CAMKK2: variants seen among roughly 807,000 people sequenced by gnomAD.
CAMKK2 encodes calcium/calmodulin dependent protein kinase kinase 2, also known as calcium/calmodulin-dependent protein kinase kinase 2.
CAMKK2 carries 30 observed loss-of-function variants against 67.2 expected under a neutral mutation model. The ratio of observed to expected loss-of-function variants is 0.45; its 90% confidence interval spans 0.33 to 0.61. The LOEUF (loss-of-function observed/expected upper bound fraction) is 0.61. Among genes scored for constraint, CAMKK2 ranks in the 20% least tolerant of loss-of-function variants. The pLI is 0.02. For missense variants in CAMKK2, 643 were observed against 802.0 expected (o/e 0.80, Z 2.39); for synonymous variants, 322 against 326.2 (o/e 0.99, Z 0.14).
intron 1 of CAMKK2, among the ~76,000 whole-genome samples, chr12:121,280,521 C>G (rs1343292379): frequency 6.6e-6 from 1 of 152,224 alleles, no homozygotes; most frequent in Non-Finnish European, 1.5e-5. Flanking sequence ...ACCTTAAACT[C>G]TGATCGCCGG....
intron 1 of CAMKK2, among the ~76,000 whole-genome samples, chr12:121,279,557 G>A (rs530724521): frequency 8.4e-4 from 128 of 152,352 alleles, no homozygotes; most frequent in South Asian, 8.3e-4. Flanking sequence ...ATAACCGCCT[G>A]GCCATGTAAC....
intron 1 of CAMKK2, among the ~76,000 whole-genome samples, chr12:121,289,267 C>A (rs1287984490): frequency 2.0e-5 from 3 of 152,148 alleles, no homozygotes; most frequent in East Asian, 1.9e-4. Context: ...AAAAAAACTT[C>A]AGTGGCAATA....
chr12:121,280,904 G>A (rs1897659184), intron 1 of CAMKK2, among the ~76,000 whole-genome samples: 2 of 152,132 alleles, frequency 1.3e-5, no homozygotes, highest in African/African-American at 4.8e-5. Context: ...GGGTCCTGTG[G>A]TCCTGTGATC....
chr12:121,282,255 G>T (rs1055312702), intron 1 of CAMKK2, among the ~76,000 whole-genome samples: 1 of 152,116 alleles, frequency 6.6e-6, no homozygotes, highest in African/African-American at 2.4e-5. Context: ...GAACAAAGTG[G>T]GGAAGGAGGG....
At chr12:121,250,416 G>T (rs923716112) in intron 11 of CAMKK2, among the ~76,000 whole-genome samples, 24 of 152,222 alleles carry the variant, frequency 1.6e-4, no homozygotes, top group African/African-American at 5.8e-4. Context: ...GGCAGCAGCA[G>T]TGATTTTCAA....
intron 5 of CAMKK2, among the ~76,000 whole-genome samples, chr12:121,268,099 T>TATATAC (rs755449965): frequency 2.1e-5 from 3 of 143,530 alleles, no homozygotes; most frequent in Middle Eastern, 3.8e-3. Context: ...TATATATATA[T>TATATAC]ACTCTATTCA....
At chr12:121,258,973 GC>G (rs1369621400) in intron 7 of CAMKK2, among the ~76,000 whole-genome samples, 3 of 151,650 alleles carry the variant, frequency 2.0e-5, no homozygotes, top group Non-Finnish European at 4.4e-5. Context: ...CTCCCGAGTA[GC>G]CAAGATTATA....
chr12:121,281,412 T>C (rs987562527), intron 1 of CAMKK2, among the ~76,000 whole-genome samples: 5 of 152,224 alleles, frequency 3.3e-5, no homozygotes, highest in African/African-American at 9.6e-5. Context: ...AGGCTACGGA[T>C]GATGTCCTGC....
chr12:121,264,482 C>T (rs1894108363), intron 5 of CAMKK2, among the ~76,000 whole-genome samples: 1 of 151,852 alleles, frequency 6.6e-6, no homozygotes, highest in Admixed American at 6.6e-5. Context: ...ATAAAAATCA[C>T]AAAAAATTAG....
intron 14 of CAMKK2, among the ~76,000 whole-genome samples, chr12:121,246,052 C>A (rs1889379520): frequency 1.3e-5 from 2 of 151,874 alleles, no homozygotes; most frequent in African/African-American, 4.8e-5. Context: ...AATCTATAGA[C>A]ACAGAGGGCA....
intron 13 of CAMKK2, among the ~76,000 whole-genome samples, chr12:121,248,986 G>A (rs1265559839): frequency 1.3e-5 from 2 of 152,256 alleles, no homozygotes; most frequent in Non-Finnish European, 2.9e-5. Context: ...GGTCTTGGCC[G>A]AAGTGATGGG....
At chr12:121,257,534 A>AT (rs1892586706) in intron 7 of CAMKK2, among the ~76,000 whole-genome samples, 2 of 151,954 alleles carry the variant, frequency 1.3e-5, no homozygotes, top group Admixed American at 1.3e-4. Context: ...AGGCAAAAAA[A>AT]TTTTTTAAAA....
At chr12:121,270,334 C>T (rs547272896) in intron 3 of CAMKK2, among the ~76,000 whole-genome samples, 6 of 150,318 alleles carry the variant, frequency 4.0e-5, no homozygotes, top group Non-Finnish European at 7.4e-5. Context: ...TGCGCCACTG[C>T]GCTCCAGCCT....
rs200636078 is a variant in CAMKK2 at position 121,253,228 on chromosome 12, A to C, written c.1107+45T>G. ...TTCTGCTGCTTACAATCCAGAAGAC[A>C]CTAACACAGGCAGAACTCTGTGGCT... On this transcript the variant is annotated intron_variant, in intron 10 of 16. Coordinates refer to ENST00000404169, the MANE Select transcript of CAMKK2 (RefSeq NM_001270485.2). This position sits in a 1 kb window ranked among gnomAD's most constrained non-coding sequence, Gnocchi z 5.0. 3.5e-5 allele frequency: 55 copies of C among 1,556,046 alleles called. No homozygotes were observed. The highest frequency in any genetic ancestry group is 4.9e-5 in the Non-Finnish European group (55 of 1,128,424).
intron 1 of CAMKK2, 145 bp from the exon 2 acceptor site, chr12:121,274,730 A>G (rs1276776281): frequency 1.2e-5 from 7 of 560,774 alleles, no homozygotes; most frequent in Non-Finnish European, 2.2e-5. Context: ...GTGTGATCTG[A>G]TCTCTGAGTC....
chr12:121,272,403 T>C (rs1895956792), intron 2 of CAMKK2, among the ~76,000 whole-genome samples: 2 of 152,274 alleles, frequency 1.3e-5, no homozygotes, highest in South Asian at 4.1e-4. Flanking sequence ...CATGATGCTG[T>C]GAAAGAAGCT....
intron 1 of CAMKK2, among the ~76,000 whole-genome samples, chr12:121,281,129 C>T (rs1374241418): frequency 6.6e-6 from 1 of 152,250 alleles, no homozygotes; most frequent in East Asian, 1.9e-4. Flanking sequence ...TACTCTGTCC[C>T]TTTATTTCTC....
In CAMKK2 at chr12:121,269,566, C is replaced by G; in HGVS notation, c.535G>C (p.Val179Leu). The change falls in exon 4 of 17, where the codon GTC becomes CTC. Residue 179 changes from valine to leucine, a missense_variant. This residue lies in a region of CAMKK2 where 483 missense variants were observed against 625.8 expected (regional missense o/e 0.77). Transcript: ENST00000404169. Reference protein sequence around the residue: ...DEIGKGSYGVVKLAYNENDNT... With the variant: ...DEIGKGSYGVLKLAYNENDNT... ...TCATTTTCATTGTAGGCCAACTTGACGACACCATAGGAGCCCTGGATAAAG... is the reference window on the plus strand; with the variant it reads ...TCATTTTCATTGTAGGCCAACTTGAGGACACCATAGGAGCCCTGGATAAAG... The G allele has an allele frequency of 6.2e-7, 1 of 1,607,538 alleles. No individual in the cohort carries two copies. Among genetic ancestry groups the G allele is most frequent in the Non-Finnish European group, 8.5e-7 (1 of 1,176,346 alleles).
At chr12:121,276,427 G>A (rs148501296) in intron 1 of CAMKK2, among the ~76,000 whole-genome samples, 76 of 152,082 alleles carry the variant, frequency 5.0e-4, no homozygotes, top group African/African-American at 1.4e-3. Flanking sequence ...AGCCGAGATC[G>A]CACCACTGCA....
Sources: gnomAD v4.1 joint callset for allele counts (sites outside exome capture counted in the v4.1 genomes callset) on GRCh38, gnomAD v4.1.1 for gene constraint, gnomAD v4.1.1 regional missense constraint, Gnocchi (gnomAD v3.1) non-coding constraint, MANE v1.5 for transcripts, NCBI Gene and HGNC (gene_info 2026-07-23, HGNC 2026-07-21) for gene names.